Variants in UXS1 observed in about 807,000 individuals in gnomAD.
UXS1 encodes the protein UDP-glucuronic acid decarboxylase 1.
UXS1 carries 33 observed loss-of-function variants against 62.6 expected under a neutral mutation model. The ratio of observed to expected loss-of-function variants is 0.53; its 90% CI spans 0.40 to 0.70. The LOEUF (loss-of-function observed/expected upper bound fraction) is 0.70. Among genes scored for constraint, UXS1 ranks in the 30% least tolerant of loss-of-function variants. UXS1 has a pLI of 0.00. For missense variants in UXS1, 434 were observed against 556.3 expected, an observed-to-expected ratio of 0.78 and a Z score of 2.21; for synonymous variants, 213 against 206.8, an observed-to-expected ratio of 1.03 and a Z score of -0.26.
At chr2:106,193,254 T>G (rs1470273586) in intron 1 of UXS1, among the ~76,000 whole-genome samples, 1 of 152,184 alleles carries the variant, frequency 6.6e-6, no homozygotes, top group Non-Finnish European at 1.5e-5. Flanking sequence ...CATTTCAGTG[T>G]GTGTCTGGGT....
At chr2:106,108,679 T>G (rs1048513020) in intron 10 of UXS1, among the ~76,000 whole-genome samples, 1 of 152,088 alleles carries the variant, frequency 6.6e-6, no homozygotes, top group Non-Finnish European at 1.5e-5. Flanking sequence ...AAGGGCTGTG[T>G]GCAGGTCAAA....
chr2:106,158,782 C>T (rs937889392), intron 4 of UXS1, among the ~76,000 whole-genome samples: 5 of 152,224 alleles, frequency 3.3e-5, no homozygotes, highest in Admixed American at 3.3e-4. Context: ...CCCAGGGTCA[C>T]TCAAACAGAG....
chr2:106,097,906 C>T (rs377141763), intron 13 of UXS1, among the ~76,000 whole-genome samples: 4 of 152,360 alleles, frequency 2.6e-5, no homozygotes, highest in African/African-American at 9.6e-5. Flanking sequence ...GCTTCTACTG[C>T]CACGAGCAAC....
intron 9 of UXS1, among the ~76,000 whole-genome samples, chr2:106,121,535 T>G (rs1178965780): frequency 6.6e-6 from 1 of 152,202 alleles, no homozygotes; most frequent in African/African-American, 2.4e-5. Context: ...TAGTCAGTAC[T>G]CCTAAGTACC....
intron 13 of UXS1, among the ~76,000 whole-genome samples, chr2:106,097,952 T>C (rs1677259842): frequency 6.6e-6 from 1 of 152,220 alleles, no homozygotes; most frequent in African/African-American, 2.4e-5. Context: ...ATTAGACCAA[T>C]GCCGATGAAT....
At chr2:106,174,991 T>C (rs1024555246) in intron 1 of UXS1, among the ~76,000 whole-genome samples, 3 of 152,156 alleles carry the variant, frequency 2.0e-5, no homozygotes, top group African/African-American at 7.2e-5. Context: ...TCCTCTAAGC[T>C]AATCCCCCAT....
At chr2:106,162,271 T>A (rs1252304400) in intron 4 of UXS1, among the ~76,000 whole-genome samples, 1 of 152,190 alleles carries the variant, frequency 6.6e-6, no homozygotes, top group East Asian at 1.9e-4. Flanking sequence ...AGTAAATTCT[T>A]AGGATTGAAT....
At chr2:106,157,632 T>C (rs899907220) in intron 5 of UXS1, among the ~76,000 whole-genome samples, 4 of 152,158 alleles carry the variant, frequency 2.6e-5, no homozygotes, top group African/African-American at 9.7e-5. Context: ...TACCCATCAA[T>C]TGAGAAACAG....
intron 1 of UXS1, 96 bp from the exon 2 acceptor site, chr2:106,166,179 T>G (rs1261377648): frequency 1.6e-6 from 2 of 1,257,214 alleles, no homozygotes; most frequent in African/African-American, 3.1e-5. Flanking sequence ...TATTTTAAAT[T>G]TTACAAAGAA....
chr2:106,180,808 G>C (rs900588309), intron 1 of UXS1, among the ~76,000 whole-genome samples: 2 of 152,170 alleles, frequency 1.3e-5, no homozygotes, highest in Non-Finnish European at 2.9e-5. Context: ...AATTACTACA[G>C]ACAACAAAGA....
intron 4 of UXS1, chr2:106,160,137 T>C (rs1682777820): frequency 6.6e-6 from 1 of 152,238 alleles, no homozygotes; most frequent in South Asian, 2.1e-4. Context: ...AGATGTCTTG[T>C]TTGCCAAGTA....
chr2:106,122,767 C>G (rs1236232633), intron 9 of UXS1, among the ~76,000 whole-genome samples: 3 of 152,146 alleles, frequency 2.0e-5, no homozygotes, highest in African/African-American at 7.2e-5. Context: ...GAATTGATCT[C>G]TAGGAAATCA....
In UXS1 at chr2:106,108,467, A is replaced by C. The variant is rs897445073; in HGVS notation, c.880-3630T>G. ...GCCTGCAGGGACTTGGCACAAATTG[A>C]GTGTGCAGCAAAATCCAGGGCATGA... On this transcript the variant is annotated intron_variant, in intron 10 of 14. Transcript: ENST00000283148. Among the ~76,000 whole-genome samples, 8 of 152,238 alleles carry C rather than the reference A, an allele frequency of 5.3e-5. No homozygotes were observed. The South Asian group carries it at 1.2e-3, about 24-fold the overall frequency.
At chr2:106,112,854 GAATGGA>G in intron 9 of UXS1, 89 bp from the exon 10 acceptor site, 1 of 1,492,698 alleles carries the variant, frequency 6.7e-7, no homozygotes. Context: ...ATGCAATGCA[GAATGGA>G]AACGTTCTGC....
intron 5 of UXS1, 90 bp from the exon 6 acceptor site, chr2:106,145,460 C>A: frequency 1.4e-6 from 2 of 1,445,016 alleles, no homozygotes; most frequent in Non-Finnish European, 9.2e-7. Context: ...ATCTCTGGTG[C>A]AGCCACGACT....
intron 7 of UXS1, among the ~76,000 whole-genome samples, chr2:106,128,902 T>G (rs1344575536): frequency 6.6e-6 from 1 of 152,216 alleles, no homozygotes; most frequent in African/African-American, 2.4e-5. Context: ...GAACCTGTAT[T>G]AAATGTTCCT....
At chr2:106,105,567 C>T (rs2104856459) in intron 10 of UXS1, among the ~76,000 whole-genome samples, 1 of 152,314 alleles carries the variant, frequency 6.6e-6, no homozygotes, top group South Asian at 2.1e-4. Context: ...GGAGAAGCTT[C>T]TCTGGCTCAT....
chr2:106,097,149 A>G (rs533126155), intron 13 of UXS1: 98 of 487,608 alleles, frequency 2.0e-4, no homozygotes, highest in South Asian at 1.4e-3. Context: ...ACACCAGGTA[A>G]CAAGTGCAGA....
chr2:106,139,180 A>G (rs1266770129), intron 6 of UXS1, among the ~76,000 whole-genome samples: 1 of 152,176 alleles, frequency 6.6e-6, no homozygotes, highest in Non-Finnish European at 1.5e-5. Flanking sequence ...AAAGGGGGAC[A>G]GAAAGGCAGC....
Sources: gnomAD v4.1 joint callset for allele counts (sites outside exome capture counted in the v4.1 genomes callset) on GRCh38, gnomAD v4.1.1 for gene constraint, MANE v1.5 for transcripts, NCBI Gene and HGNC (gene_info 2026-07-23, HGNC 2026-07-21) for gene names.